Variants in TMEM101 observed in about 807,000 individuals in gnomAD.
TMEM101 encodes transmembrane protein 101.
Under a neutral mutation model 26.0 loss-of-function variants are expected in TMEM101, and 14 were observed. That is an observed-to-expected ratio of 0.54 (90% CI 0.36 to 0.84). The LOEUF (loss-of-function observed/expected upper bound fraction) is 0.84, where lower values mean the gene tolerates loss of function less well. Ranked by LOEUF, TMEM101 falls within the 40% of genes least tolerant of loss-of-function variation. The pLI is 0.01. For missense variants in TMEM101, 292 were observed against 345.1 expected, an observed-to-expected ratio of 0.85 and a Z score of 1.22; for synonymous variants, 152 against 145.1, an observed-to-expected ratio of 1.05 and a Z score of -0.34.
rs945520593 is a variant in TMEM101, at chr17:44,011,740, C to T, written c.*188G>A. The T allele has an allele frequency of 3.9e-5, 25 of 643,598 alleles. No homozygotes were observed. The highest frequency in any genetic ancestry group is 5.5e-5 in the Non-Finnish European group (21 of 380,572). The allele number at this position is 643,598 out of a possible 1,614,324, so 39.9% of individuals were successfully genotyped here. On this transcript the variant is annotated 3_prime_UTR_variant, in exon 4 of 4. Coordinates refer to ENST00000206380, the MANE Select transcript of TMEM101 (RefSeq NM_032376.4). ...GCATTAGTGCCAGGGCTCCTGCCCT[C>T]CCAAGCGCTGAGCCCAGAAATTTGG...
upstream of TMEM101, chr17:44,015,091 G>T: frequency 8.0e-7 from 1 of 1,242,846 alleles, no homozygotes; most frequent in Non-Finnish European, 1.1e-6. Flanking sequence ...CCGGATCTAA[G>T]GTGACCCAGT....
chr17:44,016,597 T>A (rs2049233996), upstream of TMEM101, among the ~76,000 whole-genome samples: 1 of 152,206 alleles, frequency 6.6e-6, no homozygotes, highest in African/African-American at 2.4e-5. Flanking sequence ...TGGAGTTATA[T>A]CCTGATAAAC....
At chr17:44,019,305 C>T, upstream of TMEM101, 1 of 420,706 alleles carries the variant, frequency 2.4e-6, no homozygotes, top group Non-Finnish European at 4.7e-6. Context: ...GAGTCGGACA[C>T]TGCACTCACC....
chr17:44,014,551 G>A lies in TMEM101; in HGVS notation c.138-14C>T. ...ATGTCGGGCTTCCTGCGAGCCGGGA[G>A]TGGGGAAGCAACGAGGACAGAATGA... On this transcript the variant is annotated splice_polypyrimidine_tract_variant and intron_variant, in intron 1 of 3. Transcript: ENST00000206380. The A allele has an allele frequency of 6.4e-7, 1 of 1,569,062 alleles. No homozygotes were observed. Among genetic ancestry groups the A allele is most frequent in the African/African-American group, 1.3e-5 (1 of 74,310 alleles).
exon 1 of TMEM101, chr17:44,023,101 T>G (rs1597876075): frequency 2.6e-6 from 1 of 378,022 alleles, no homozygotes; most frequent in Admixed American, 3.2e-5. Context: ...AGTCGGCCAC[T>G]CGTCCGTGCA....
At position 44,014,803 on chromosome 17, in the gene TMEM101, T is replaced by G. The variant is rs1475591735; in HGVS notation, c.137+13A>C. 1 of 1,561,078 alleles carries G rather than the reference T, an allele frequency of 6.4e-7. No individual in the cohort carries two copies. The highest frequency in any genetic ancestry group is 1.2e-5 in the South Asian group (1 of 85,252). The stretch of plus-strand genomic sequence containing the variant: ...CCCCCTGCCGCGTTTAGCGGCTGCG[T>G]AGGCCTGCTCACCGGCGTGCCTCAG... On this transcript the variant is annotated intron_variant, in intron 1 of 3. Coordinates refer to ENST00000206380, the MANE Select transcript of TMEM101 (RefSeq NM_032376.4).
chr17:44,014,583 G>A lies in TMEM101; in HGVS notation c.138-46C>T, dbSNP rs768392479. ...AGCAACGAGGACAGAATGAAGCGGT[G>A]GGGGAAGAAGCTTGAGACCCCTTGA... is the stretch of plus-strand genomic sequence containing the variant. On this transcript the variant is annotated intron_variant, in intron 1 of 3. Coordinates refer to ENST00000206380, the MANE Select transcript of TMEM101 (RefSeq NM_032376.4). 12 of 1,557,088 alleles carry A rather than the reference G, an allele frequency of 7.7e-6. 1 individual carries two copies. The highest frequency in any genetic ancestry group is 7.1e-5 in the East Asian group (3 of 42,346).
intron 2 of TMEM101, among the ~76,000 whole-genome samples, chr17:44,020,973 C>T (rs1430254098): frequency 6.6e-6 from 1 of 152,090 alleles, no homozygotes; most frequent in Non-Finnish European, 1.5e-5. Context: ...TCTGTAGTAA[C>T]AAAAATGGAG....
intron 2 of TMEM101, 57 bp downstream of exon 2, chr17:44,014,300 T>C: frequency 6.6e-7 from 1 of 1,520,844 alleles, no homozygotes; most frequent in Non-Finnish European, 8.9e-7. Flanking sequence ...CCCTGGGCAT[T>C]GGCCTCTGAT....
chr17:44,017,567 C>G (rs1357487530), upstream of TMEM101, among the ~76,000 whole-genome samples: 4 of 142,180 alleles, frequency 2.8e-5, no homozygotes, highest in Non-Finnish European at 6.0e-5. Flanking sequence ...GCACTCCAGC[C>G]TGGGTGACAA....
At chr17:44,020,319 A>G (rs375868909) in intron 2 of TMEM101, among the ~76,000 whole-genome samples, 6 of 152,346 alleles carry the variant, frequency 3.9e-5, no homozygotes, top group African/African-American at 1.4e-4. Context: ...GAGTTCTCCT[A>G]TAATTGTATC....
upstream of TMEM101, among the ~76,000 whole-genome samples, chr17:44,016,737 T>C (rs1321980159): frequency 6.6e-6 from 1 of 152,200 alleles, no homozygotes; most frequent in African/African-American, 2.4e-5. Context: ...CGCACCAATG[T>C]AAAGTTGAAA....
In TMEM101 at chr17:44,011,874, G is replaced by T; in HGVS notation, c.*54C>A. 1 of 1,501,600 alleles carries T rather than the reference G, an allele frequency of 6.7e-7. No individual in the cohort carries two copies. The highest frequency in any genetic ancestry group is 9.1e-7 in the Non-Finnish European group (1 of 1,103,692). 93.0% of individuals were successfully genotyped at this position (1,501,600 alleles called of 1,614,324 possible). On this transcript the variant is annotated 3_prime_UTR_variant, in exon 4 of 4. Transcript: ENST00000206380. ...AGCAGCTGGGCCAGCAAGGAGGAAGGCAGGGTGACCCTCAGTGGCTCCCTG... is the reference window on the plus strand; with the variant it reads ...AGCAGCTGGGCCAGCAAGGAGGAAGTCAGGGTGACCCTCAGTGGCTCCCTG...
intron 2 of TMEM101, among the ~76,000 whole-genome samples, chr17:44,021,155 T>C (rs1381853281): frequency 1.3e-5 from 2 of 152,204 alleles, no homozygotes; most frequent in East Asian, 3.9e-4. Flanking sequence ...TTCCGTTCTA[T>C]ATGTTGTTTC....
chr17:44,014,592 A>C, intron 1 of TMEM101, 55 bp from the exon 2 acceptor site: 1 of 1,555,704 alleles, frequency 6.4e-7, no homozygotes, highest in Non-Finnish European at 8.7e-7. Flanking sequence ...TGGGGGAAGA[A>C]GCTTGAGACC....
chr17:44,021,149 G>A (rs1048299010), intron 2 of TMEM101, among the ~76,000 whole-genome samples: 6 of 152,094 alleles, frequency 3.9e-5, no homozygotes, highest in Non-Finnish European at 8.8e-5. Context: ...TGAATGTTCC[G>A]TTCTATATGT....
chr17:44,011,200 A>C lies in TMEM101; in HGVS notation c.*728T>G, dbSNP rs2049152717. 6.6e-6 allele frequency: 1 copy of C among 152,146 alleles called. No individual in the cohort carries two copies. The highest frequency in any genetic ancestry group is 2.1e-4 in the South Asian group (1 of 4,830). The allele number at this position is 152,146 out of a possible 1,614,324, so 9.4% of individuals were successfully genotyped here. A position where few individuals can be genotyped will look rare whatever the true frequency, so the allele number is the denominator to read the frequency against. On this transcript the variant is annotated 3_prime_UTR_variant, in exon 4 of 4. Transcript: ENST00000206380. ...AAGCAAAACCAAATGTCTATATAAAATGTTTATTTTTGGAGGACTGTGTGG... is the reference window on the plus strand; with the variant it reads ...AAGCAAAACCAAATGTCTATATAAACTGTTTATTTTTGGAGGACTGTGTGG...
intron 3 of TMEM101, 140 bp from the exon 4 acceptor site, chr17:44,012,376 G>C (rs72822640): frequency 0.018 from 14,310 of 784,354 alleles, 144 homozygotes; most frequent in Middle Eastern, 0.038. Context: ...ACCTCTGAAA[G>C]TAGGGCCTTT....
At chr17:44,017,517 A>G (rs170640), upstream of TMEM101, among the ~76,000 whole-genome samples, 116,697 of 149,978 alleles carry the variant, frequency 0.78, 45,906 homozygotes, top group East Asian at 0.93. Flanking sequence ...TAGCGTGAAC[A>G]CAGGAGGCAG....
Sources: allele counts gnomAD v4.1 joint callset (sites outside exome capture counted in the v4.1 genomes callset), GRCh38; gene constraint gnomAD v4.1.1; transcripts MANE v1.5; gene names NCBI Gene and HGNC (gene_info 2026-07-23, HGNC 2026-07-21).